Variants in CA8 observed in about 807,000 individuals in gnomAD.
The protein encoded by CA8 is carbonic anhydrase 8 (inactive), also known as carbonic anhydrase-related protein.
A neutral mutation model predicts 41.4 loss-of-function variants in CA8; 22 were observed. That is an observed-to-expected ratio of 0.53 (90% CI 0.38 to 0.76). CA8 has a LOEUF of 0.76. Among genes scored for constraint, CA8 ranks in the 30% least tolerant of loss-of-function variants. The pLI is 0.00. For missense variants in CA8, 270 were observed against 352.8 expected, an observed-to-expected ratio of 0.77 and a Z score of 1.88; for synonymous variants, 121 against 130.6, an observed-to-expected ratio of 0.93 and a Z score of 0.50.
intron 7 of CA8, among the ~76,000 whole-genome samples, chr8:60,218,167 G>A (rs7465237): frequency 0.016 from 2,481 of 152,206 alleles, 78 homozygotes; most frequent in African/African-American, 0.056. Flanking sequence ...CAATTCCCAC[G>A]AATACTCAGA....
chr8:60,279,196 CTTA>C (rs1471122693), intron 2 of CA8, among the ~76,000 whole-genome samples: 1 of 152,124 alleles, frequency 6.6e-6, no homozygotes, highest in Non-Finnish European at 1.5e-5. Flanking sequence ...GAGGCTGTTT[CTTA>C]TTGTTATTAG....
intron 1 of CA8, among the ~76,000 whole-genome samples, chr8:60,280,345 ATATG>A (rs555556043): frequency 1.4e-3 from 209 of 152,324 alleles, no homozygotes; most frequent in African/African-American, 4.3e-3. Flanking sequence ...TAAAGTGTGC[ATATG>A]TATATATCTG....
Position 60,279,874 on chromosome 8 carries a change from T to TCAA in CA8, c.104_106dup (p.Val35dup). On this transcript the variant is annotated inframe_insertion, in exon 2 of 9. Transcript: ENST00000317995. ...AGCATCAGGAAACACCAGACCCCAC[T>TCAA]CAACACCTAAGAACAAAATGAAATA... 6.2e-7 allele frequency: 1 copy of TCAA among 1,611,004 alleles called. No homozygotes were observed. The highest frequency in any genetic ancestry group is 8.5e-7 in the Non-Finnish European group (1 of 1,178,640).
chr8:60,194,534 C>T (rs1448628134), intron 8 of CA8, among the ~76,000 whole-genome samples: 2 of 152,142 alleles, frequency 1.3e-5, no homozygotes, highest in African/African-American at 4.8e-5. Flanking sequence ...GTGTCTGTGT[C>T]CCCAAGTACA....
At position 60,186,523 on chromosome 8, in the gene CA8, C is replaced by T. The variant is rs962168223; in HGVS notation, c.*3498G>A. Among the ~76,000 whole-genome samples, 2 of 149,188 alleles carry T rather than the reference C, an allele frequency of 1.3e-5. No homozygotes were observed. Among genetic ancestry groups the T allele is most frequent in the Admixed American group, 6.6e-5 (1 of 15,060 alleles). ...AAAAAGATACAAGACATGTGGAAAA[C>T]AAAAAGTAAAATGGCAGACACAAAT... On this transcript the variant is annotated 3_prime_UTR_variant, in exon 9 of 9. Transcript: ENST00000317995.
At chr8:60,226,108 CATAA>C (rs1807430274) in intron 5 of CA8, among the ~76,000 whole-genome samples, 1 of 152,076 alleles carries the variant, frequency 6.6e-6, no homozygotes, top group African/African-American at 2.4e-5. Flanking sequence ...ATTTATTTAA[CATAA>C]ATACTTTGAA....
rs553630544 is a variant in CA8, at chr8:60,263,185, TGC to T, written c.417+2738_417+2739del. ...GTGAACTACAAAATTTAGCCTGGTG[TGC>T]TGGCATGCACCTATTATCCCAGCTA... On this transcript the variant is annotated intron_variant, in intron 3 of 8. Coordinates refer to ENST00000317995, the MANE Select transcript of CA8 (RefSeq NM_004056.6). 7.4e-3 allele frequency among the ~76,000 whole-genome samples: 1,133 copies of T among 152,204 alleles called. 14 individuals are homozygous for T. The highest frequency in any genetic ancestry group is 0.026 in the African/African-American group (1,070 of 41,526).
At chr8:60,227,872 C>T (rs1807497675) in intron 4 of CA8, among the ~76,000 whole-genome samples, 1 of 152,104 alleles carries the variant, frequency 6.6e-6, no homozygotes, top group Admixed American at 6.6e-5. Flanking sequence ...AAAATTCTAA[C>T]ATTTAATATT....
At chr8:60,278,343 T>G (rs1348332556) in intron 2 of CA8, among the ~76,000 whole-genome samples, 2 of 152,234 alleles carry the variant, frequency 1.3e-5, no homozygotes, top group African/African-American at 4.8e-5. Context: ...AAGAACTGTC[T>G]TATAAATTTA....
At chr8:60,226,089 T>C (rs1225044233) in intron 5 of CA8, among the ~76,000 whole-genome samples, 1 of 152,224 alleles carries the variant, frequency 6.6e-6, no homozygotes, top group Non-Finnish European at 1.5e-5. Context: ...ACTTGTTTTC[T>C]TTTTTTAAAT....
chr8:60,192,398 GT>G (rs1806155920), intron 8 of CA8, among the ~76,000 whole-genome samples: 1 of 152,096 alleles, frequency 6.6e-6, no homozygotes, highest in South Asian at 2.1e-4. Flanking sequence ...GCTGAGCATA[GT>G]ACTATAAGTA....
intron 7 of CA8, among the ~76,000 whole-genome samples, chr8:60,221,365 G>A (rs979875656): frequency 4.6e-5 from 7 of 152,228 alleles, no homozygotes; most frequent in African/African-American, 1.7e-4. Flanking sequence ...TTTTAATCTT[G>A]TTATCTTCTG....
chr8:60,203,791 A>C (rs1416836330), intron 8 of CA8, among the ~76,000 whole-genome samples: 1 of 152,014 alleles, frequency 6.6e-6, no homozygotes, highest in Non-Finnish European at 1.5e-5. Context: ...TTATGTTTTC[A>C]GTTGGAGACT....
chr8:60,217,127 G>A (rs374206916), intron 7 of CA8, among the ~76,000 whole-genome samples: 12 of 152,066 alleles, frequency 7.9e-5, no homozygotes, highest in East Asian at 1.9e-4. Flanking sequence ...CAGGTGATCC[G>A]TCCACCTCAG....
At chr8:60,209,256 T>C (rs1267842572) in intron 7 of CA8, among the ~76,000 whole-genome samples, 1 of 152,126 alleles carries the variant, frequency 6.6e-6, no homozygotes, top group African/African-American at 2.4e-5. Flanking sequence ...GTGGCCAAGG[T>C]GGGCAGGTCA....
chr8:60,231,415 T>C (rs1032479037), intron 4 of CA8, among the ~76,000 whole-genome samples: 1 of 152,226 alleles, frequency 6.6e-6, no homozygotes, highest in Admixed American at 6.5e-5. Context: ...TAAAAATTGT[T>C]GCAATTAATT....
At chr8:60,220,935 G>T (rs142548154) in intron 7 of CA8, among the ~76,000 whole-genome samples, 3 of 152,276 alleles carry the variant, frequency 2.0e-5, no homozygotes, top group African/African-American at 7.2e-5. Context: ...AGTGAAGATG[G>T]AAGTGTTTCT....
chr8:60,269,867 C>T (rs1453678575), intron 2 of CA8, among the ~76,000 whole-genome samples: 1 of 152,156 alleles, frequency 6.6e-6, no homozygotes, highest in Non-Finnish European at 1.5e-5. Context: ...AGCAGGAGGG[C>T]ATCCAGCAAC....
At chr8:60,246,828 T>C (rs895037370) in intron 3 of CA8, among the ~76,000 whole-genome samples, 4 of 150,116 alleles carry the variant, frequency 2.7e-5, no homozygotes, top group Non-Finnish European at 4.4e-5. Flanking sequence ...TTTAAAAGGA[T>C]AGAAAGTGTA....
Sources: allele counts gnomAD v4.1 joint callset (sites outside exome capture counted in the v4.1 genomes callset), GRCh38; gene constraint gnomAD v4.1.1; transcripts MANE v1.5; gene names NCBI Gene and HGNC (gene_info 2026-07-23, HGNC 2026-07-21).